The following CABCOCO1 variants were observed in gnomAD, a reference collection of about 807,000 sequenced individuals.
CABCOCO1 encodes ciliary associated calcium binding coiled-coil 1, also known as ciliary-associated calcium-binding coiled-coil protein 1.
Under a neutral mutation model 35.7 loss-of-function variants are expected in CABCOCO1, and 28 were observed. That is an observed-to-expected ratio of 0.78 (90% CI 0.58 to 1.07). CABCOCO1 has a LOEUF of 1.07. CABCOCO1 is among the 50% of genes least tolerant of loss of function. CABCOCO1 has a pLI of 0.00. For missense variants in CABCOCO1, 326 were observed against 309.2 expected (o/e 1.05, Z -0.41); for synonymous variants, 95 against 100.1 (o/e 0.95, Z 0.30).
chr10:61,696,356 T>C (rs1378631688), intron 5 of CABCOCO1, among the ~76,000 whole-genome samples: 1 of 151,890 alleles, frequency 6.6e-6, no homozygotes, highest in African/African-American at 2.4e-5. Context: ...TAGTAATAAA[T>C]ATGAGAAAAA....
At chr10:61,693,677 T>C (rs1195898179) in intron 5 of CABCOCO1, among the ~76,000 whole-genome samples, 1 of 152,036 alleles carries the variant, frequency 6.6e-6, no homozygotes, top group Non-Finnish European at 1.5e-5. Context: ...CAAAACCCCA[T>C]ATATATTGCT....
At position 61,760,973 on chromosome 10, in the gene CABCOCO1, A is replaced by G. The variant is rs758799202; in HGVS notation, c.786A>G (p.Gln262=). The change falls in exon 7 of 8, where the codon CAA becomes CAG. Residue 262 remains glutamine (Q), a synonymous_variant. Transcript: ENST00000648843. ...TIEDVKSVLD[Q]VTDDILIGIQ... is the part of the protein sequence containing the mutation. ...AAGATGTAAAATCAGTGCTGGATCA[A>G]GTCACAGATGACATTTTAATCGGCA... is the stretch of plus-strand genomic sequence containing the variant. The G allele has an allele frequency of 3.1e-6, 5 of 1,612,614 alleles. No homozygotes were observed. In the South Asian group the frequency reaches 5.5e-5, roughly 18 times the overall value.
chr10:61,738,560 T>G (rs778155004), intron 5 of CABCOCO1, among the ~76,000 whole-genome samples: 1 of 152,222 alleles, frequency 6.6e-6, no homozygotes, highest in Non-Finnish European at 1.5e-5. Flanking sequence ...CCACCTTTAA[T>G]TTTTACATAT....
chr10:61,680,648 TATATTATGTTATACATGTATAAC>T, intron 2 of CABCOCO1, among the ~76,000 whole-genome samples: 1 of 66,452 alleles, frequency 1.5e-5, no homozygotes, highest in Non-Finnish European at 2.9e-5. Flanking sequence ...ATATATAATA[TATATTATGTTATACATGTATAAC>T]ATATATGTTA....
chr10:61,692,537 C>T (rs971909551), intron 5 of CABCOCO1, among the ~76,000 whole-genome samples: 2 of 152,100 alleles, frequency 1.3e-5, no homozygotes, highest in Non-Finnish European at 1.5e-5. Flanking sequence ...AGGATATTCA[C>T]ATTATCTTTG....
At chr10:61,687,312 A>G (rs920818086) in intron 4 of CABCOCO1, among the ~76,000 whole-genome samples, 1 of 152,114 alleles carries the variant, frequency 6.6e-6, no homozygotes, top group Non-Finnish European at 1.5e-5. Flanking sequence ...GTGTTGGGGG[A>G]GACGACGGTA....
In CABCOCO1 at chr10:61,674,523, G is replaced by A. The variant is rs117265580; in HGVS notation, c.164+1788G>A. 5.4e-3 allele frequency among the ~76,000 whole-genome samples: 824 copies of A among 152,052 alleles called. 4 individuals are homozygous for A. The highest frequency in any genetic ancestry group is 0.016 in the South Asian group (78 of 4,816). Reference sequence around the variant, plus strand: ...TGGTAATCCTGAAATATTTGCAATCGGTCACTCACTTTCAATTTAAAATAG... The same window carrying A: ...TGGTAATCCTGAAATATTTGCAATCAGTCACTCACTTTCAATTTAAAATAG... On this transcript the variant is annotated intron_variant, in intron 2 of 7. Transcript: ENST00000648843.
At chr10:61,680,910 G>A (rs573507599) in intron 2 of CABCOCO1, among the ~76,000 whole-genome samples, 4 of 151,054 alleles carry the variant, frequency 2.6e-5, no homozygotes, top group African/African-American at 9.7e-5. Flanking sequence ...AGGAGAAACA[G>A]AAAATAAAGA....
intron 5 of CABCOCO1, among the ~76,000 whole-genome samples, chr10:61,726,896 G>GAA (rs947127512): frequency 1.1e-4 from 10 of 88,646 alleles, no homozygotes; most frequent in Non-Finnish European, 2.0e-4. Flanking sequence ...CGTCTCTACA[G>GAA]AAAAAAAAAA....
intron 2 of CABCOCO1, among the ~76,000 whole-genome samples, chr10:61,678,783 C>T (rs566312426): frequency 7.2e-4 from 109 of 152,126 alleles, no homozygotes; most frequent in South Asian, 1.9e-3. Flanking sequence ...AATTTAGGAG[C>T]AGGCCCATCA....
chr10:61,714,158 T>C (rs1210410752), intron 5 of CABCOCO1, among the ~76,000 whole-genome samples: 1 of 152,210 alleles, frequency 6.6e-6, no homozygotes, highest in African/African-American at 2.4e-5. Flanking sequence ...TTTTGGTTGG[T>C]AGGCTACTAA....
intron 5 of CABCOCO1, among the ~76,000 whole-genome samples, chr10:61,706,796 A>G (rs552063746): frequency 6.6e-6 from 1 of 152,078 alleles, no homozygotes; most frequent in African/African-American, 2.4e-5. Context: ...CCATTGAATC[A>G]CTACATGTTG....
At chr10:61,755,319 A>G (rs952130061) in intron 5 of CABCOCO1, among the ~76,000 whole-genome samples, 3 of 152,110 alleles carry the variant, frequency 2.0e-5, no homozygotes, top group Non-Finnish European at 2.9e-5. Flanking sequence ...AGAGCCACAC[A>G]AGTACTTCTT....
At chr10:61,667,552 T>C (rs1380664019) in intron 1 of CABCOCO1, among the ~76,000 whole-genome samples, 1 of 151,814 alleles carries the variant, frequency 6.6e-6, no homozygotes, top group Non-Finnish European at 1.5e-5. Context: ...AATAAATCTC[T>C]TTTATCAAGT....
At chr10:61,667,330 A>G (rs1229807736) in intron 1 of CABCOCO1, among the ~76,000 whole-genome samples, 1 of 150,796 alleles carries the variant, frequency 6.6e-6, no homozygotes, top group East Asian at 1.9e-4. Context: ...TTTGTCCATT[A>G]CTGTGTCAAT....
intron 1 of CABCOCO1, among the ~76,000 whole-genome samples, chr10:61,670,438 G>T (rs10994868): frequency 0.13 from 19,876 of 151,788 alleles, 1,579 homozygotes; most frequent in East Asian, 0.2. Context: ...AAAAAAAGTG[G>T]TTAATAATGT....
chr10:61,745,873 C>T (rs930860555), intron 5 of CABCOCO1, among the ~76,000 whole-genome samples: 1 of 152,162 alleles, frequency 6.6e-6, no homozygotes, highest in South Asian at 2.1e-4. Flanking sequence ...GTTGGGTTGA[C>T]CTACAACTGG....
At chr10:61,738,806 G>C (rs1376493803) in intron 5 of CABCOCO1, among the ~76,000 whole-genome samples, 1 of 151,918 alleles carries the variant, frequency 6.6e-6, no homozygotes, top group Non-Finnish European at 1.5e-5. Context: ...ATATCAACTT[G>C]GCCTGCACTA....
At chr10:61,723,007 AAAT>A (rs1337558807) in intron 5 of CABCOCO1, among the ~76,000 whole-genome samples, 63 of 152,364 alleles carry the variant, frequency 4.1e-4, no homozygotes, top group African/African-American at 1.5e-3. Context: ...TATAAATGAA[AAAT>A]AATGATTCAA....
Sources: gnomAD v4.1 joint callset for allele counts (sites outside exome capture counted in the v4.1 genomes callset) on GRCh38, gnomAD v4.1.1 for gene constraint, MANE v1.5 for transcripts, NCBI Gene and HGNC (gene_info 2026-07-23, HGNC 2026-07-21) for gene names.